The following FERMT2 variants were observed in gnomAD, a reference collection of about 807,000 sequenced individuals.
FERMT2 encodes the protein FERM domain containing kindlin 2.
Under a neutral mutation model 82.7 loss-of-function variants are expected in FERMT2, and 15 were observed. The ratio of observed to expected loss-of-function variants is 0.18; its 90% CI spans 0.12 to 0.28. FERMT2 has a LOEUF of 0.28. Among genes scored for constraint, FERMT2 ranks in the 10% least tolerant of loss-of-function variants. The pLI, the probability that FERMT2 is intolerant of heterozygous loss-of-function variation, is 1.00. For synonymous variants in FERMT2, 274 were observed against 271.5 expected (o/e 1.01, Z -0.09); for missense variants, 645 against 809.4 (o/e 0.80, Z 2.46).
intron 3 of FERMT2, among the ~76,000 whole-genome samples, chr14:52,915,202 G>C (rs900314561): frequency 6.6e-6 from 1 of 152,024 alleles, no homozygotes; most frequent in Non-Finnish European, 1.5e-5. Flanking sequence ...ATTCATGAAT[G>C]GTAAGATCTA....
At chr14:52,934,943 T>G (rs1889769650) in intron 2 of FERMT2, among the ~76,000 whole-genome samples, 1 of 152,226 alleles carries the variant, frequency 6.6e-6, no homozygotes. Flanking sequence ...TTGAAATAAG[T>G]GACATGACTT....
chr14:52,886,085 A>G (rs1408496046), intron 4 of FERMT2, among the ~76,000 whole-genome samples: 3 of 152,206 alleles, frequency 2.0e-5, no homozygotes, highest in African/African-American at 7.2e-5. Context: ...AATAGAATAT[A>G]AATGGCTAAT....
At position 52,907,292 on chromosome 14, in the gene FERMT2, G is replaced by A. The variant is rs868229374; in HGVS notation, c.391+11831C>T. On this transcript the variant is annotated intron_variant, in intron 3 of 14. Transcript: ENST00000341590. ...AAGTGCTGGGACTACATGTAGGCAT[G>A]AACCACTGTGCCTGGACCAAATCAA... is the stretch of plus-strand genomic sequence containing the variant. 4.6e-5 allele frequency among the ~76,000 whole-genome samples: 7 copies of A among 152,202 alleles called. No homozygotes were observed. The South Asian group carries it at 1.0e-3, about 23-fold the overall frequency.
At chr14:52,906,549 G>C (rs1257003670) in intron 3 of FERMT2, among the ~76,000 whole-genome samples, 2 of 151,404 alleles carry the variant, frequency 1.3e-5, no homozygotes, top group African/African-American at 4.9e-5. Context: ...AAAGGGTGGG[G>C]GTGGGGAAGC....
At chr14:52,868,186 A>G (rs1295539820) in intron 10 of FERMT2, among the ~76,000 whole-genome samples, 5 of 147,134 alleles carry the variant, frequency 3.4e-5, no homozygotes, top group African/African-American at 1.0e-4. Context: ...CTTAAATTCT[A>G]TTTTCCAGCA....
intron 4 of FERMT2, among the ~76,000 whole-genome samples, chr14:52,883,898 C>G (rs1021224684): frequency 6.6e-6 from 1 of 152,126 alleles, no homozygotes; most frequent in African/African-American, 2.4e-5. Context: ...GCTCCTCCTC[C>G]GCCTTCCGCT....
chr14:52,947,509 T>C (rs2139716684), intron 2 of FERMT2, among the ~76,000 whole-genome samples: 1 of 152,140 alleles, frequency 6.6e-6, no homozygotes. Context: ...AATAAATAAA[T>C]AAATGAGACT....
intron 12 of FERMT2, chr14:52,861,086 G>GCAAT (rs1377307108): frequency 4.8e-6 from 7 of 1,460,746 alleles, no homozygotes; most frequent in Non-Finnish European, 4.5e-6. Context: ...AAAAAAAAAG[G>GCAAT]CAATCAGAAA....
chr14:52,888,251 T>A (rs1222502565), intron 4 of FERMT2, among the ~76,000 whole-genome samples: 12 of 152,226 alleles, frequency 7.9e-5, no homozygotes, highest in Non-Finnish European at 1.5e-5. Flanking sequence ...AAAGTATTTT[T>A]AAAATACGGA....
chr14:52,892,082 C>T (rs1886962036), intron 4 of FERMT2, among the ~76,000 whole-genome samples: 1 of 151,880 alleles, frequency 6.6e-6, no homozygotes, highest in African/African-American at 2.4e-5. Context: ...TAAGAAAGCT[C>T]CTCAAAGGAG....
At chr14:52,922,426 G>A (rs1382036345) in intron 2 of FERMT2, among the ~76,000 whole-genome samples, 2 of 151,976 alleles carry the variant, frequency 1.3e-5, no homozygotes, top group Non-Finnish European at 2.9e-5. Context: ...GAACTACAGT[G>A]AAAGAGGGGG....
Position 52,919,246 on chromosome 14 carries a change from G to A in FERMT2, c.268C>T (p.Leu90Phe), listed in dbSNP as rs755967896. The change falls in exon 3 of 15, where the codon CTT (leucine) becomes TTT (phenylalanine). Residue 90 changes from leucine (L) to phenylalanine (F), a missense_variant. Coordinates refer to ENST00000341590, the MANE Select transcript of FERMT2 (RefSeq NM_006832.3). ...DKYGIQADAK[L>F]QFTPQHKLLR... ...AGTTTGTGCTGAGGGGTGAACTGAA[G>A]CTTAGCATCTGCCTGAATACCATAC... is the stretch of plus-strand genomic sequence containing the variant. The A allele has an allele frequency of 6.2e-7, 1 of 1,614,020 alleles. No individual in the cohort carries two copies. Among genetic ancestry groups the A allele is most frequent in the South Asian group, 1.1e-5 (1 of 91,076 alleles).
Position 52,864,934 on chromosome 14 carries a change from G to A in FERMT2, c.1274-81C>T, listed in dbSNP as rs141520121. 1.1e-4 allele frequency: 92 copies of A among 821,138 alleles called. 1 individual carries two copies. The African/African-American group carries it at 1.3e-3, about 11-fold the overall frequency. The allele number at this position is 821,138 out of a possible 1,614,324, so 50.9% of individuals were successfully genotyped here. A position where few individuals can be genotyped will look rare whatever the true frequency, so the allele number is the denominator to read the frequency against. ...TCAATACAAGCAGCCCTCATTCTGT[G>A]GCATCTTAACATGTTGGATTTTGCC... is the stretch of plus-strand genomic sequence containing the variant. On this transcript the variant is annotated intron_variant, in intron 10 of 14. Coordinates refer to ENST00000341590, the MANE Select transcript of FERMT2 (RefSeq NM_006832.3).
At position 52,865,060 on chromosome 14, in the gene FERMT2, C is replaced by T. The variant is rs773040612; in HGVS notation, c.1274-207G>A. ...TATTCAGGCCAGGTGTGGTAGCTCA[C>T]GCCTGTAATCTCAGCACTTTGGGAG... On this transcript the variant is annotated intron_variant, in intron 10 of 14. Coordinates refer to ENST00000341590, the MANE Select transcript of FERMT2 (RefSeq NM_006832.3). Among the ~76,000 whole-genome samples the T allele has an allele frequency of 4.6e-4, 70 of 152,130 alleles. 1 individual carries two copies. The highest frequency in any genetic ancestry group is 7.6e-4 in the Non-Finnish European group (52 of 68,024).
Position 52,893,439 on chromosome 14 carries a change from A to G in FERMT2, c.392-12T>C, listed in dbSNP as rs1371006014. The G allele has an allele frequency of 1.3e-6, 2 of 1,572,654 alleles. No homozygotes were observed. Among genetic ancestry groups the G allele is most frequent in the Non-Finnish European group, 1.7e-6 (2 of 1,161,434 alleles). On this transcript the variant is annotated splice_polypyrimidine_tract_variant and intron_variant, in intron 3 of 14. Transcript: ENST00000341590. ...GGGGTGTCTGATATCTGTTAATAAAATAGATTGTTTTACTAGAACAAAGGA... is the reference window on the plus strand; with the variant it reads ...GGGGTGTCTGATATCTGTTAATAAAGTAGATTGTTTTACTAGAACAAAGGA...
At chr14:52,886,201 T>C (rs990388382) in intron 4 of FERMT2, among the ~76,000 whole-genome samples, 8 of 151,962 alleles carry the variant, frequency 5.3e-5, no homozygotes, top group African/African-American at 1.4e-4. Flanking sequence ...CATTCAATAT[T>C]GAGCAGAATG....
rs891130733 is a variant in FERMT2, at chr14:52,951,006, G to T, written c.-95C>A. 1 of 153,590 alleles carries T rather than the reference G, an allele frequency of 6.5e-6. No individual in the cohort carries two copies. The highest frequency in any genetic ancestry group is 6.5e-5 in the Admixed American group (1 of 15,278). The allele number at this position is 153,590 out of a possible 1,614,324, so 9.5% of individuals were successfully genotyped here. On this transcript the variant is annotated 5_prime_UTR_variant, in exon 1 of 15. Coordinates refer to ENST00000341590, the MANE Select transcript of FERMT2 (RefSeq NM_006832.3). The stretch of plus-strand genomic sequence containing the variant: ...TCGCGGGGCGGCGGTGTCCGCGTCC[G>T]GTTCCTCGGCTGGCGAAGCGCTGCC...
chr14:52,950,865 C>T (rs915004689), intron 1 of FERMT2, 56 bp downstream of exon 1: 3 of 252,252 alleles, frequency 1.2e-5, no homozygotes, highest in African/African-American at 6.7e-5. Context: ...GGGCTGACTC[C>T]CCGTTCCCCT....
intron 2 of FERMT2, among the ~76,000 whole-genome samples, chr14:52,921,301 G>A (rs1335513536): frequency 6.6e-6 from 1 of 152,154 alleles, no homozygotes; most frequent in Admixed American, 6.5e-5. Flanking sequence ...TTTAATGGGA[G>A]AATTACGGCT....
Sources: gnomAD v4.1 joint callset for allele counts (sites outside exome capture counted in the v4.1 genomes callset) on GRCh38, gnomAD v4.1.1 for gene constraint, MANE v1.5 for transcripts, NCBI Gene and HGNC (gene_info 2026-07-23, HGNC 2026-07-21) for gene names.